The following MPDZ variants were observed in gnomAD, a reference collection of about 807,000 sequenced individuals.
MPDZ encodes multiple PDZ domain protein.
MPDZ carries 234 observed loss-of-function variants against 239.1 expected under a neutral mutation model. The ratio of observed to expected loss-of-function variants is 0.98; its 90% CI spans 0.88 to 1.09. The LOEUF is 1.09. Ranked by LOEUF, MPDZ falls within the 50% of genes least tolerant of loss-of-function variation. The pLI is 0.00. For synonymous variants in MPDZ, 1,048 were observed against 881.3 expected, an observed-to-expected ratio of 1.19 and a Z score of -3.35; for missense variants, 3,175 against 2,510.0, an observed-to-expected ratio of 1.26 and a Z score of -5.66.
rs368887536 is a variant in MPDZ, at chr9:13,247,781, C to T, written c.37G>A (p.Ala13Thr). ...EAIDKNRALH[A>T]AERLQTKLRE... ...AGCTTGGTTTGCAAGCGCTCTGCTG[C>T]ATGCAGGGCCCGATTTTTGTCTATA... Residue 13 changes from alanine (A) to threonine (T), a missense_variant, in exon 3 of 47, where the codon GCA (alanine) becomes ACA (threonine). Transcript: ENST00000319217. 135 of 1,607,948 alleles carry T rather than the reference C, an allele frequency of 8.4e-5. No individual in the cohort carries two copies. The highest frequency in any genetic ancestry group is 1.1e-4 in the Non-Finnish European group (131 of 1,175,202).
At chr9:13,117,843 C>CTTTT (rs201420389) in intron 39 of MPDZ, among the ~76,000 whole-genome samples, 3 of 131,594 alleles carry the variant, frequency 2.3e-5, no homozygotes, top group Non-Finnish European at 3.3e-5. Context: ...TTCAGATTAG[C>CTTTT]TTTTTTTTTT....
chr9:13,247,804 A>T lies in MPDZ; in HGVS notation c.17-3T>A. 1 of 1,595,760 alleles carries T rather than the reference A, an allele frequency of 6.3e-7. No homozygotes were observed. Among genetic ancestry groups the T allele is most frequent in the Non-Finnish European group, 8.6e-7 (1 of 1,165,628 alleles). ...TGCATGCAGGGCCCGATTTTTGTCT[A>T]TACCAAAGAGCAGCATTTGTCAATA... On this transcript the variant is annotated splice_region_variant and splice_polypyrimidine_tract_variant and intron_variant, in intron 2 of 46. Transcript: ENST00000319217.
intron 31 of MPDZ, chr9:13,135,803 T>C (rs1284900186): frequency 4.5e-6 from 1 of 220,438 alleles, no homozygotes; most frequent in Non-Finnish European, 8.8e-6. Flanking sequence ...ACACTTCATA[T>C]GTAACCTTCC....
rs1490841403 is a variant in MPDZ at position 13,137,959 on chromosome 9, C to G, written c.4198G>C (p.Glu1400Gln). 3 of 1,613,696 alleles carry G rather than the reference C, an allele frequency of 1.9e-6. No homozygotes were observed. The highest frequency in any genetic ancestry group is 1.7e-6 in the Non-Finnish European group (2 of 1,179,714). ...GRLQIADELL[E>Q]INGQILYGRS... ...CAAAATTTTCCACAAAAACTTACCT[C>G]TAGAAGCTCATCTGCAATTTGCAAT... The change falls in exon 29 of 47, where the codon GAG (glutamate) becomes CAG (glutamine). Residue 1400 changes from glutamate (E) to glutamine (Q), a missense_variant and splice_region_variant. Transcript: ENST00000319217.
chr9:13,148,716 A>ATTCTCAGAATGGAAT (rs71331526), intron 25 of MPDZ, among the ~76,000 whole-genome samples: 69,303 of 151,544 alleles, frequency 0.46, 18,899 homozygotes, highest in African/African-American at 0.77. Context: ...AAAGTATTCC[A>ATTCTCAGAATGGAAT]AATTTGCAGA....
chr9:13,220,581 T>C (rs1433007494), intron 7 of MPDZ, among the ~76,000 whole-genome samples: 5 of 152,010 alleles, frequency 3.3e-5, no homozygotes, highest in Admixed American at 2.6e-4. Flanking sequence ...TGCTAGATGC[T>C]AACTAATGTT....
chr9:13,211,479 G>A lies in MPDZ; in HGVS notation c.1290+5295C>T, dbSNP rs368116466. 3.0e-3 allele frequency among the ~76,000 whole-genome samples: 462 copies of A among 152,178 alleles called. 7 individuals carry two copies. Among genetic ancestry groups the A allele is most frequent in the African/African-American group, 0.01 (422 of 41,554 alleles). The stretch of plus-strand genomic sequence containing the variant: ...TGTAAAGTTTACTCAAAACACTCCA[G>A]CCAAATGAGTTTAATTGGATTTAAA... On this transcript the variant is annotated intron_variant, in intron 10 of 46. Transcript: ENST00000319217.
At chr9:13,268,151 A>ATT (rs1972172580) in intron 1 of MPDZ, among the ~76,000 whole-genome samples, 4 of 110,268 alleles carry the variant, frequency 3.6e-5, no homozygotes, top group Admixed American at 1.1e-4. Context: ...CAAAAGGAAA[A>ATT]TTATATATAT....
intron 3 of MPDZ, among the ~76,000 whole-genome samples, chr9:13,245,488 T>C (rs1966398224): frequency 6.6e-6 from 1 of 151,972 alleles, no homozygotes; most frequent in African/African-American, 2.4e-5. Flanking sequence ...TCTACTCTTA[T>C]AATCAAGTCA....
intron 23 of MPDZ, among the ~76,000 whole-genome samples, chr9:13,161,889 C>T (rs1207473950): frequency 2.0e-5 from 3 of 152,104 alleles, no homozygotes; most frequent in Non-Finnish European, 2.9e-5. Context: ...CTTTAAAAAG[C>T]CAAACACTGT....
At chr9:13,134,340 T>C (rs1946435372) in intron 31 of MPDZ, 1 of 152,254 alleles carries the variant, frequency 6.6e-6, no homozygotes, top group Non-Finnish European at 1.5e-5. Context: ...ATGAACGTTA[T>C]TAAAATACTC....
intron 3 of MPDZ, among the ~76,000 whole-genome samples, chr9:13,238,798 A>C: frequency 6.6e-6 from 1 of 152,126 alleles, no homozygotes; most frequent in East Asian, 1.9e-4. Flanking sequence ...AGCAAATCCA[A>C]ACATTGAATG....
intron 26 of MPDZ, among the ~76,000 whole-genome samples, chr9:13,145,927 CA>C (rs1563900221): frequency 6.6e-6 from 1 of 151,484 alleles, no homozygotes; most frequent in African/African-American, 2.4e-5. Flanking sequence ...ATAAATAAAA[CA>C]AAAAAAGGAC....
chr9:13,276,187 C>T (rs1005480839), intron 1 of MPDZ, among the ~76,000 whole-genome samples: 4 of 152,196 alleles, frequency 2.6e-5, no homozygotes, highest in African/African-American at 7.2e-5. Context: ...TCTTCCTAAT[C>T]CATCTATTAC....
chr9:13,159,054 G>C (rs57885547), intron 23 of MPDZ, among the ~76,000 whole-genome samples: 2 of 152,104 alleles, frequency 1.3e-5, no homozygotes, highest in Non-Finnish European at 2.9e-5. Flanking sequence ...AGAATCAAAA[G>C]AAAGTATGTA....
Position 13,122,184 on chromosome 9 carries a change from C to G in MPDZ, c.4954-14G>C. 2 of 1,610,600 alleles carry G rather than the reference C, an allele frequency of 1.2e-6. No homozygotes were observed. Among genetic ancestry groups the G allele is most frequent in the Non-Finnish European group, 8.5e-7 (1 of 1,176,968 alleles). The stretch of plus-strand genomic sequence containing the variant: ...AATAATGGCACCCTAAGGGCCCAAA[C>G]AAAACATACCCATACTTATCCCATT... On this transcript the variant is annotated splice_polypyrimidine_tract_variant and intron_variant, in intron 36 of 46. Transcript: ENST00000319217.
intron 18 of MPDZ, 61 bp downstream of exon 18, chr9:13,186,209 A>T (rs1954074318): frequency 1.1e-6 from 1 of 884,430 alleles, no homozygotes; most frequent in Non-Finnish European, 1.6e-6. Context: ...GAATATTTTG[A>T]AAGGCAAAGT....
Position 13,219,681 on chromosome 9 carries a change from G to C in MPDZ, c.964C>G (p.Leu322Val). 6.2e-7 allele frequency: 1 copy of C among 1,612,714 alleles called. No homozygotes were observed. The highest frequency in any genetic ancestry group is 1.1e-5 in the South Asian group (1 of 91,072). ...TTAACTCTATTTCCACATTGCCTAA[G>C]GACTTGTGCTACTTGCTCACTGCTC... ...GMSSEQVAQV[L>V]RQCGNRVKLM... Residue 322 changes from leucine (L) to valine (V), a missense_variant, in exon 8 of 47, where the codon CTT (leucine) becomes GTT (valine). Physicochemically the swap from Leu to Val is conservative, Grantham distance 32. Coordinates refer to ENST00000319217, the MANE Select transcript of MPDZ (RefSeq NM_001378778.1).
rs1440609663 is a variant in MPDZ, at chr9:13,123,204, T to G, written c.4902A>C (p.Lys1634Asn). Residue 1634 changes from lysine to asparagine, a missense_variant, in exon 36 of 47, where the codon AAA becomes AAC. Lys to Asn is a moderately conservative substitution (Grantham distance 94). Transcript: ENST00000319217. Reference protein sequence around the residue: ...PGCETTIEISKGRTGLGLSIV... With the variant: ...PGCETTIEISNGRTGLGLSIV... Reference sequence around the variant, plus strand: ...TGCTCAGGCCCAGCCCTGTTCGCCCTTTGGAAATCTCGATGGTTGTTTCGC... The same window carrying G: ...TGCTCAGGCCCAGCCCTGTTCGCCCGTTGGAAATCTCGATGGTTGTTTCGC... 1 of 1,613,136 alleles carries G rather than the reference T, an allele frequency of 6.2e-7. No individual in the cohort carries two copies. Among genetic ancestry groups the G allele is most frequent in the Non-Finnish European group, 8.5e-7 (1 of 1,179,808 alleles).
Sources: gnomAD v4.1 joint callset for allele counts (sites outside exome capture counted in the v4.1 genomes callset) on GRCh38, gnomAD v4.1.1 for gene constraint, MANE v1.5 for transcripts, NCBI Gene and HGNC (gene_info 2026-07-23, HGNC 2026-07-21) for gene names.